The following TRAPPC9 variants were observed in gnomAD, a reference collection of about 807,000 sequenced individuals.
TRAPPC9 encodes trafficking protein particle complex subunit 9.
Under a neutral mutation model 124.0 loss-of-function variants are expected in TRAPPC9, and 83 were observed. The observed-to-expected ratio is 0.67, with a 90% CI of 0.56 to 0.80. The LOEUF is 0.80. Among genes scored for constraint, TRAPPC9 ranks in the 30% least tolerant of loss-of-function variants. TRAPPC9 has a pLI of 0.00. For missense variants in TRAPPC9, 1,302 were observed against 1,508.3 expected (o/e 0.86, Z 2.27); for synonymous variants, 638 against 617.5 (o/e 1.03, Z -0.49).
intron 7 of TRAPPC9, among the ~76,000 whole-genome samples, chr8:140,381,910 T>C (rs2068622002): frequency 6.6e-6 from 1 of 152,172 alleles, no homozygotes; most frequent in Non-Finnish European, 1.5e-5. Context: ...CCTCAAAAAG[T>C]TAAACCCAGC....
intron 19 of TRAPPC9, among the ~76,000 whole-genome samples, chr8:139,985,180 T>C (rs1225098328): frequency 6.6e-6 from 1 of 152,218 alleles, no homozygotes; most frequent in African/African-American, 2.4e-5. Flanking sequence ...AGCACAAGAC[T>C]AAATTGTGAT....
chr8:139,843,509 T>A (rs1225904552), intron 21 of TRAPPC9, among the ~76,000 whole-genome samples: 1 of 152,224 alleles, frequency 6.6e-6, no homozygotes, highest in Middle Eastern at 3.2e-3. Flanking sequence ...TGGACTGGTG[T>A]TCTTCCACGG....
intron 13 of TRAPPC9, among the ~76,000 whole-genome samples, chr8:140,285,865 C>T (rs1174041637): frequency 1.3e-5 from 2 of 152,218 alleles, no homozygotes; most frequent in Non-Finnish European, 1.5e-5. Context: ...GGGCAGCACA[C>T]CCTCACCTAC....
chr8:140,437,996 T>G (rs974459757), intron 3 of TRAPPC9, among the ~76,000 whole-genome samples: 2 of 152,212 alleles, frequency 1.3e-5, no homozygotes, highest in African/African-American at 4.8e-5. Flanking sequence ...TCTTTTAATT[T>G]TTAAGATTGA....
chr8:139,857,318 G>C (rs62528718), intron 21 of TRAPPC9, among the ~76,000 whole-genome samples: 64,433 of 152,056 alleles, frequency 0.42, 15,010 homozygotes, highest in East Asian at 0.73. Context: ...ATTTGCAGGG[G>C]AAGGCCTGTC....
chr8:140,449,071 G>T (rs62527784), intron 2 of TRAPPC9, among the ~76,000 whole-genome samples: 1 of 152,194 alleles, frequency 6.6e-6, no homozygotes, highest in Non-Finnish European at 1.5e-5. Context: ...AAGCACCACA[G>T]GCAGGTGCGA....
At chr8:140,198,960 CAG>C (rs138480943) in intron 17 of TRAPPC9, among the ~76,000 whole-genome samples, 2,817 of 152,280 alleles carry the variant, frequency 0.018, 75 homozygotes, top group African/African-American at 0.064. Flanking sequence ...AAGAGGGAGA[CAG>C]ATGATGCCAG....
rs544307421 is a variant in TRAPPC9 at position 140,209,113 on chromosome 8, G to A, written c.2556+12346C>T. ...CTGACATAGGCCCTGAAGGGGCCCC[G>A]TGGACACACTCTGCCTCTTCCGTGG... On this transcript the variant is annotated intron_variant, in intron 17 of 22. Coordinates refer to ENST00000438773, the MANE Select transcript of TRAPPC9 (RefSeq NM_001160372.4). Among the ~76,000 whole-genome samples, 25 of 152,310 alleles carry A rather than the reference G, an allele frequency of 1.6e-4. No individual in the cohort carries two copies. In the South Asian group the frequency reaches 4.4e-3, roughly 27 times the overall value.
intron 21 of TRAPPC9, among the ~76,000 whole-genome samples, chr8:139,752,424 T>A (rs947636248): frequency 6.7e-6 from 1 of 149,984 alleles, no homozygotes; most frequent in East Asian, 2.0e-4. Context: ...CATCCATCCA[T>A]CCATCTAACA....
In TRAPPC9 at chr8:140,135,875, T is replaced by G. The variant is rs111490141; in HGVS notation, c.2556+85584A>C. 3.9e-5 allele frequency among the ~76,000 whole-genome samples: 6 copies of G among 152,212 alleles called. No homozygotes were observed. The South Asian group carries it at 1.0e-3, about 26-fold the overall frequency. ...TAAGAAGCAGTGGTTGGTTCAGGGATTGCTGCTATAAGGTGGTGGGAGCCT... is the reference window on the plus strand; with the variant it reads ...TAAGAAGCAGTGGTTGGTTCAGGGAGTGCTGCTATAAGGTGGTGGGAGCCT... On this transcript the variant is annotated intron_variant, in intron 17 of 22. Coordinates refer to ENST00000438773, the MANE Select transcript of TRAPPC9 (RefSeq NM_001160372.4).
chr8:139,967,281 T>C (rs951390990), intron 19 of TRAPPC9, among the ~76,000 whole-genome samples: 1 of 152,202 alleles, frequency 6.6e-6, no homozygotes, highest in Non-Finnish European at 1.5e-5. Context: ...CTTGGGTCAC[T>C]GAATGAAAGC....
chr8:140,032,006 C>T (rs774314081), intron 17 of TRAPPC9, among the ~76,000 whole-genome samples: 30 of 152,274 alleles, frequency 2.0e-4, no homozygotes, highest in African/African-American at 6.0e-4. Flanking sequence ...ACTCCCTGGG[C>T]GATGAGCCCA....
intron 17 of TRAPPC9, among the ~76,000 whole-genome samples, chr8:140,199,844 AGATGAGAT>A (rs1268651917): frequency 1.1e-4 from 16 of 152,332 alleles, no homozygotes; most frequent in African/African-American, 3.9e-4. Flanking sequence ...GTATTAAAAC[AGATGAGAT>A]GGTAACTTTG....
intron 19 of TRAPPC9, among the ~76,000 whole-genome samples, chr8:139,938,010 C>T (rs1411082555): frequency 1.3e-5 from 2 of 152,058 alleles, no homozygotes; most frequent in African/African-American, 4.8e-5. Context: ...TCAACTCAGC[C>T]AGAAAAATCT....
intron 5 of TRAPPC9, among the ~76,000 whole-genome samples, chr8:140,425,960 G>T (rs1355104456): frequency 6.6e-6 from 1 of 152,192 alleles, no homozygotes; most frequent in Admixed American, 6.5e-5. Context: ...TCAGAGCCAA[G>T]ATGCACGAGG....
chr8:139,743,154 A>G (rs1818668914), intron 21 of TRAPPC9, among the ~76,000 whole-genome samples: 1 of 152,200 alleles, frequency 6.6e-6, no homozygotes, highest in Non-Finnish European at 1.5e-5. Context: ...TTACAGTGAC[A>G]GCGGAATGAT....
intron 21 of TRAPPC9, among the ~76,000 whole-genome samples, chr8:139,779,779 A>T (rs1821664490): frequency 6.6e-6 from 1 of 151,196 alleles, no homozygotes; most frequent in African/African-American, 2.5e-5. Flanking sequence ...ATCTAAAAGA[A>T]TTGACAAAAA....
chr8:140,385,160 A>G (rs1425642119), intron 7 of TRAPPC9, among the ~76,000 whole-genome samples: 1 of 152,260 alleles, frequency 6.6e-6, no homozygotes, highest in Non-Finnish European at 1.5e-5. Context: ...TCTGGGACAC[A>G]TTCAAAGCAG....
chr8:139,852,684 C>A (rs1035948531), intron 21 of TRAPPC9, among the ~76,000 whole-genome samples: 1 of 152,230 alleles, frequency 6.6e-6, no homozygotes, highest in Non-Finnish European at 1.5e-5. Flanking sequence ...GCAGCACAAA[C>A]CAAAGAAAAT....
Sources: gnomAD v4.1 joint callset for allele counts (sites outside exome capture counted in the v4.1 genomes callset) on GRCh38, gnomAD v4.1.1 for gene constraint, MANE v1.5 for transcripts, NCBI Gene and HGNC (gene_info 2026-07-23, HGNC 2026-07-21) for gene names.